Variants in CNTN4 observed in about 807,000 individuals in gnomAD.
CNTN4 encodes contactin-4.
A neutral mutation model predicts 122.5 loss-of-function variants in CNTN4; 77 were observed. The observed-to-expected ratio is 0.63, with a 90% confidence interval of 0.52 to 0.76. The LOEUF (loss-of-function observed/expected upper bound fraction) is 0.76, where lower values mean the gene tolerates loss of function less well. Ranked by LOEUF, CNTN4 falls within the 30% of genes least tolerant of loss-of-function variation. The probability of loss-of-function intolerance (pLI) is 0.00; values close to 1 mark genes in which losing one functional copy is unlikely to be tolerated. For missense variants in CNTN4, 1,256 were observed against 1,259.1 expected, an observed-to-expected ratio of 1.00 and a Z score of 0.04; for synonymous variants, 512 against 447.0, an observed-to-expected ratio of 1.15 and a Z score of -1.83.
At chr3:2,528,300 A>G (rs1055132585) in intron 3 of CNTN4, among the ~76,000 whole-genome samples, 2 of 152,110 alleles carry the variant, frequency 1.3e-5, no homozygotes, top group Admixed American at 6.6e-5. Flanking sequence ...TGAAATTGTT[A>G]TTTCTATTTT....
At chr3:2,974,000 A>C (rs1480310235) in intron 13 of CNTN4, among the ~76,000 whole-genome samples, 1 of 152,218 alleles carries the variant, frequency 6.6e-6, no homozygotes, top group Non-Finnish European at 1.5e-5. Flanking sequence ...GTATACAGAC[A>C]TTAAAAAGCA....
At chr3:2,923,688 C>A (rs1300720024) in intron 12 of CNTN4, among the ~76,000 whole-genome samples, 2 of 152,182 alleles carry the variant, frequency 1.3e-5, no homozygotes, top group African/African-American at 2.4e-5. Context: ...CTTCTTTCTT[C>A]CATCAAGCTA....
intron 4 of CNTN4, among the ~76,000 whole-genome samples, chr3:2,714,576 A>G (rs900239599): frequency 6.6e-6 from 1 of 152,138 alleles, no homozygotes; most frequent in Admixed American, 6.6e-5. Context: ...ACCAAACCAA[A>G]CAAGTACTCA....
At chr3:2,847,040 A>G (rs1010906070) in intron 7 of CNTN4, among the ~76,000 whole-genome samples, 1 of 152,098 alleles carries the variant, frequency 6.6e-6, no homozygotes, top group Non-Finnish European at 1.5e-5. Context: ...AATGCCTTTC[A>G]TATGTCCATT....
At chr3:2,575,270 T>A in intron 4 of CNTN4, among the ~76,000 whole-genome samples, 1 of 151,988 alleles carries the variant, frequency 6.6e-6, no homozygotes, top group Non-Finnish European at 1.5e-5. Context: ...CCCAGCACTT[T>A]GGGAGGCAAA....
chr3:2,140,951 G>T (rs921323097), intron 2 of CNTN4, among the ~76,000 whole-genome samples: 1 of 152,132 alleles, frequency 6.6e-6, no homozygotes, highest in Non-Finnish European at 1.5e-5. Context: ...TAAAGATCCT[G>T]TTTTATAATC....
intron 4 of CNTN4, among the ~76,000 whole-genome samples, chr3:2,605,250 T>G (rs1366846258): frequency 6.6e-6 from 1 of 152,188 alleles, no homozygotes; most frequent in Non-Finnish European, 1.5e-5. Flanking sequence ...GTTCCCGAGT[T>G]GGGATTACAG....
chr3:2,598,403 G>A (rs955695904), intron 4 of CNTN4, among the ~76,000 whole-genome samples: 40 of 152,048 alleles, frequency 2.6e-4, no homozygotes, highest in African/African-American at 9.4e-4. Flanking sequence ...AGTAAAGAGG[G>A]AAAAAATCAA....
chr3:2,816,308 C>G (rs1265194507), intron 6 of CNTN4, among the ~76,000 whole-genome samples: 6 of 148,496 alleles, frequency 4.0e-5, no homozygotes, highest in African/African-American at 1.3e-4. Flanking sequence ...GAGCCGAGAT[C>G]GTGGCACTGC....
chr3:2,443,191 G>T (rs763639800), intron 3 of CNTN4, among the ~76,000 whole-genome samples: 18 of 151,800 alleles, frequency 1.2e-4, no homozygotes, highest in Non-Finnish European at 2.4e-4. Flanking sequence ...AATTCAGAGG[G>T]ATAAGTTTTA....
At chr3:2,756,956 A>G (rs898391165) in intron 6 of CNTN4, among the ~76,000 whole-genome samples, 4 of 152,166 alleles carry the variant, frequency 2.6e-5, no homozygotes, top group Admixed American at 1.3e-4. Context: ...CAGGAAACAA[A>G]CAGGCCAACA....
chr3:2,819,361 C>T (rs1376494809), intron 6 of CNTN4, 125 bp from the exon 7 acceptor site: 1 of 731,700 alleles, frequency 1.4e-6, no homozygotes, highest in Non-Finnish European at 2.4e-6. Context: ...CTCCTGAATT[C>T]CCCCGGTATG....
intron 2 of CNTN4, among the ~76,000 whole-genome samples, chr3:2,234,164 A>G (rs1382453294): frequency 6.6e-6 from 1 of 152,028 alleles, no homozygotes; most frequent in Non-Finnish European, 1.5e-5. Context: ...GGATCACTTG[A>G]GGTCAGGAGT....
intron 3 of CNTN4, among the ~76,000 whole-genome samples, chr3:2,531,077 C>T (rs979666751): frequency 2.0e-5 from 3 of 152,054 alleles, no homozygotes; most frequent in East Asian, 1.9e-4. Flanking sequence ...GAATGCTAAG[C>T]CTGGGGAAAG....
intron 2 of CNTN4, among the ~76,000 whole-genome samples, chr3:2,170,313 CCG>C (rs2036444009): frequency 6.6e-6 from 1 of 151,878 alleles, no homozygotes; most frequent in Non-Finnish European, 1.5e-5. Context: ...CACCAAGACT[CCG>C]TCTCAAAACA....
chr3:2,956,734 C>T (rs561499115), intron 13 of CNTN4, among the ~76,000 whole-genome samples: 4 of 152,072 alleles, frequency 2.6e-5, no homozygotes, highest in African/African-American at 4.8e-5. Flanking sequence ...ATTAGACCCC[C>T]GGAATTGTTC....
At chr3:2,128,684 T>A (rs2125262288) in intron 2 of CNTN4, among the ~76,000 whole-genome samples, 1 of 152,324 alleles carries the variant, frequency 6.6e-6, no homozygotes, top group East Asian at 1.9e-4. Flanking sequence ...TATGGTGGTG[T>A]AAATTCAGTG....
At chr3:2,478,986 A>G (rs574709921) in intron 3 of CNTN4, among the ~76,000 whole-genome samples, 2 of 152,236 alleles carry the variant, frequency 1.3e-5, no homozygotes, top group South Asian at 4.1e-4. Flanking sequence ...TCCTTTTCAC[A>G]CCAATGAGAG....
intron 2 of CNTN4, among the ~76,000 whole-genome samples, chr3:2,194,998 C>T (rs1013013059): frequency 7.2e-5 from 11 of 152,168 alleles, no homozygotes; most frequent in Admixed American, 4.6e-4. Context: ...CCTTGCTGTG[C>T]GGTAGATCTC....
Sources: allele counts gnomAD v4.1 joint callset (sites outside exome capture counted in the v4.1 genomes callset), GRCh38; gene constraint gnomAD v4.1.1; transcripts MANE v1.5; gene names NCBI Gene and HGNC (gene_info 2026-07-23, HGNC 2026-07-21).